ULK4: variants seen among roughly 807,000 people sequenced by gnomAD.
ULK4 encodes inactive serine/threonine-protein kinase ULK4.
A neutral mutation model predicts 160.6 loss-of-function variants in ULK4; 133 were observed. The observed-to-expected ratio is 0.83, with a 90% confidence interval of 0.72 to 0.96. The LOEUF (loss-of-function observed/expected upper bound fraction) is 0.96. Ranked by LOEUF, ULK4 falls within the 40% of genes least tolerant of loss-of-function variation. The pLI, the probability that ULK4 is intolerant of heterozygous loss-of-function variation, is 0.00. For missense variants in ULK4, 1,580 were observed against 1,499.5 expected (o/e 1.05, Z -0.89); for synonymous variants, 534 against 539.8 (o/e 0.99, Z 0.15).
intron 27 of ULK4, among the ~76,000 whole-genome samples, chr3:41,701,242 A>G (rs1276702951): frequency 6.6e-6 from 1 of 152,164 alleles, no homozygotes; most frequent in African/African-American, 2.4e-5. Context: ...CCTCAACAGA[A>G]TAAGTAAAAA....
intron 22 of ULK4, among the ~76,000 whole-genome samples, chr3:41,751,174 AAGAAGCAGGTATTAAG>A (rs886106511): frequency 6.6e-6 from 1 of 151,978 alleles, no homozygotes; most frequent in Non-Finnish European, 1.5e-5. Flanking sequence ...GGGTGTGGCA[AAGAAGCAGGTATTAAG>A]AGGGAGCTGT....
At chr3:41,807,519 C>T (rs1276246238) in intron 19 of ULK4, among the ~76,000 whole-genome samples, 1 of 152,140 alleles carries the variant, frequency 6.6e-6, no homozygotes, top group Non-Finnish European at 1.5e-5. Flanking sequence ...ATATATCCTT[C>T]ACTATTTTTA....
At chr3:41,617,477 C>T (rs1393201006) in intron 30 of ULK4, among the ~76,000 whole-genome samples, 1 of 151,912 alleles carries the variant, frequency 6.6e-6, no homozygotes, top group African/African-American at 2.4e-5. Context: ...CTCAGGCAAA[C>T]AGGGTCTGGA....
intron 5 of ULK4, among the ~76,000 whole-genome samples, chr3:41,929,540 G>A (rs1699511481): frequency 6.6e-6 from 1 of 152,184 alleles, no homozygotes; most frequent in Admixed American, 6.5e-5. Flanking sequence ...TAGGCAGAGA[G>A]GAAGTCAAAT....
At chr3:41,498,576 C>T (rs202197263) in intron 32 of ULK4, among the ~76,000 whole-genome samples, 1 of 144,228 alleles carries the variant, frequency 6.9e-6, no homozygotes, top group African/African-American at 2.6e-5. Flanking sequence ...TCTTTTTTTT[C>T]TTTTTTTTTT....
intron 35 of ULK4, among the ~76,000 whole-genome samples, chr3:41,347,599 C>T (rs1041411425): frequency 6.6e-6 from 1 of 152,118 alleles, no homozygotes; most frequent in African/African-American, 2.4e-5. Context: ...CTCATCCTCA[C>T]GTGATTCCTC....
intron 32 of ULK4, among the ~76,000 whole-genome samples, chr3:41,491,256 A>C (rs1452909508): frequency 1.3e-5 from 2 of 152,222 alleles, no homozygotes; most frequent in Non-Finnish European, 2.9e-5. Flanking sequence ...TAATTGCCAT[A>C]AAATAAATAG....
chr3:41,546,340 C>T (rs1001077582), intron 32 of ULK4, among the ~76,000 whole-genome samples: 2 of 152,128 alleles, frequency 1.3e-5, no homozygotes, highest in Admixed American at 6.6e-5. Flanking sequence ...AGACCAAGGA[C>T]TTAGCCCTTA....
At chr3:41,421,117 AAAAAAAAAAG>A (rs2082655830) in intron 34 of ULK4, among the ~76,000 whole-genome samples, 1 of 103,690 alleles carries the variant, frequency 9.6e-6, no homozygotes, top group African/African-American at 5.6e-5. Context: ...ACCCCATCTC[AAAAAAAAAAG>A]AAAAGAAAAG....
At chr3:41,306,955 C>G (rs1282422014) in intron 35 of ULK4, among the ~76,000 whole-genome samples, 8 of 150,598 alleles carry the variant, frequency 5.3e-5, no homozygotes, top group African/African-American at 1.2e-4. Flanking sequence ...GCAGCATGCT[C>G]GTTAAGAGTC....
intron 35 of ULK4, among the ~76,000 whole-genome samples, chr3:41,368,057 T>A (rs943420013): frequency 6.6e-6 from 1 of 152,088 alleles, no homozygotes; most frequent in Admixed American, 6.6e-5. Context: ...CGCAATTTTT[T>A]TTTTTTTCGA....
rs1426433296 is a variant in ULK4, at chr3:41,663,813, A to G, written c.2979-114T>C. ...CTTAAGACAGAAAGATATTTTACACACTAATAAAGATTTAAGTAATTTACC... is the reference window on the plus strand; with the variant it reads ...CTTAAGACAGAAAGATATTTTACACGCTAATAAAGATTTAAGTAATTTACC... On this transcript the variant is annotated intron_variant, in intron 29 of 36. Transcript: ENST00000301831. The G allele has an allele frequency of 4.9e-5, 41 of 837,824 alleles. No individual in the cohort carries two copies. The East Asian group carries it at 9.3e-4, about 19-fold the overall frequency. 51.9% of individuals were successfully genotyped at this position (837,824 alleles called of 1,614,324 possible). A position where few individuals can be genotyped will look rare whatever the true frequency, so the allele number is the denominator to read the frequency against.
At chr3:41,420,475 C>CTTTTTTTTTTGTTTTTTTTTTTT (rs2082636747) in intron 34 of ULK4, among the ~76,000 whole-genome samples, 1 of 41,178 alleles carries the variant, frequency 2.4e-5, no homozygotes, top group Non-Finnish European at 4.1e-5. Flanking sequence ...CCAGTTCTTT[C>CTTTTTTTTTTGTTTTTTTTTTTT]TTTTTTTTTT....
intron 34 of ULK4, among the ~76,000 whole-genome samples, chr3:41,454,640 TAA>T (rs1441690798): frequency 6.6e-6 from 1 of 152,140 alleles, no homozygotes; most frequent in Admixed American, 6.6e-5. Flanking sequence ...AATTTGATTT[TAA>T]AAGACTGGGA....
At chr3:41,299,912 A>G (rs1184488311) in intron 35 of ULK4, among the ~76,000 whole-genome samples, 1 of 152,210 alleles carries the variant, frequency 6.6e-6, no homozygotes, top group East Asian at 1.9e-4. Context: ...AAGCTTATAC[A>G]TCTAACATAT....
At chr3:41,327,137 A>T (rs1451928424) in intron 35 of ULK4, among the ~76,000 whole-genome samples, 2 of 152,076 alleles carry the variant, frequency 1.3e-5, no homozygotes, top group African/African-American at 2.4e-5. Context: ...ATGACTTTTT[A>T]AAAAAAGAGG....
intron 29 of ULK4, among the ~76,000 whole-genome samples, chr3:41,664,834 AT>A (rs1245231745): frequency 6.6e-6 from 1 of 152,166 alleles, no homozygotes; most frequent in Non-Finnish European, 1.5e-5. Context: ...CCTAAATTAA[AT>A]TTATTACCAA....
chr3:41,415,906 C>T (rs1425795665), intron 34 of ULK4, among the ~76,000 whole-genome samples: 1 of 152,028 alleles, frequency 6.6e-6, no homozygotes, highest in Non-Finnish European at 1.5e-5. Context: ...GCAAGTGATC[C>T]GGAGCAAAAG....
chr3:41,337,255 TAAG>T (rs1021168888), intron 35 of ULK4, among the ~76,000 whole-genome samples: 1 of 152,196 alleles, frequency 6.6e-6, no homozygotes, highest in Non-Finnish European at 1.5e-5. Flanking sequence ...TCTATAAAAA[TAAG>T]AAGTTTGATA....
Sources: gnomAD v4.1 joint callset for allele counts (sites outside exome capture counted in the v4.1 genomes callset) on GRCh38, gnomAD v4.1.1 for gene constraint, MANE v1.5 for transcripts, NCBI Gene and HGNC (gene_info 2026-07-23, HGNC 2026-07-21) for gene names.